STPG2: variants seen among roughly 807,000 people sequenced by gnomAD.
STPG2 encodes sperm tail PG-rich repeat containing 2.
STPG2 carries 56 observed loss-of-function variants against 54.2 expected under a neutral mutation model. That is an observed-to-expected ratio of 1.03 (90% CI 0.83 to 1.29). The LOEUF is 1.29. Among genes scored for constraint, STPG2 ranks in the 50% most tolerant of loss-of-function variants. The pLI is 0.00. For missense variants in STPG2, 596 were observed against 544.9 expected, an observed-to-expected ratio of 1.09 and a Z score of -0.93; for synonymous variants, 200 against 181.8, an observed-to-expected ratio of 1.10 and a Z score of -0.81.
At chr4:97,623,027 C>G (rs573324259) in intron 10 of STPG2, among the ~76,000 whole-genome samples, 2 of 152,190 alleles carry the variant, frequency 1.3e-5, no homozygotes, top group South Asian at 4.1e-4. Context: ...GAAAGGACTC[C>G]GTATTCAACA....
At chr4:97,706,624 A>G (rs1358239958) in intron 10 of STPG2, among the ~76,000 whole-genome samples, 1 of 152,190 alleles carries the variant, frequency 6.6e-6, no homozygotes, top group African/African-American at 2.4e-5. Context: ...AGAGAATGGT[A>G]GTCTGAAAAC....
intron 7 of STPG2, among the ~76,000 whole-genome samples, chr4:97,968,439 G>T (rs916006183): frequency 6.6e-6 from 1 of 152,078 alleles, no homozygotes; most frequent in African/African-American, 2.4e-5. Flanking sequence ...CATTTTATGA[G>T]GCCAGCATCA....
chr4:97,720,314 G>C (rs1236155939), intron 9 of STPG2, among the ~76,000 whole-genome samples: 1 of 151,880 alleles, frequency 6.6e-6, no homozygotes, highest in Non-Finnish European at 1.5e-5. Context: ...AATGAGTAAG[G>C]ATCAAAGTAC....
chr4:97,742,382 AAAT>A (rs769860110), intron 9 of STPG2, among the ~76,000 whole-genome samples: 48 of 150,962 alleles, frequency 3.2e-4, no homozygotes, highest in African/African-American at 8.7e-4. Flanking sequence ...AAATAAAATA[AAAT>A]AATAATAATA....
intron 10 of STPG2, among the ~76,000 whole-genome samples, chr4:97,628,976 G>A (rs1721153335): frequency 6.6e-6 from 1 of 151,938 alleles, no homozygotes; most frequent in African/African-American, 2.4e-5. Context: ...AAGACTTTGA[G>A]TATATTTTGT....
chr4:97,808,779 G>C (rs1313510855), intron 9 of STPG2, among the ~76,000 whole-genome samples: 1 of 148,896 alleles, frequency 6.7e-6, no homozygotes, highest in Admixed American at 6.7e-5. Flanking sequence ...TGTCAAAAAA[G>C]ACACTAAACC....
At chr4:97,797,096 A>G (rs879512451) in intron 9 of STPG2, among the ~76,000 whole-genome samples, 2 of 152,194 alleles carry the variant, frequency 1.3e-5, no homozygotes, top group Non-Finnish European at 2.9e-5. Flanking sequence ...AGCTGAGACA[A>G]TGGGGTTTTC....
chr4:97,988,030 ACAC>A (rs1734881651), intron 5 of STPG2, among the ~76,000 whole-genome samples: 1 of 125,026 alleles, frequency 8.0e-6, no homozygotes, highest in Non-Finnish European at 1.8e-5. Flanking sequence ...TGAATGTCAC[ACAC>A]ACACACACAC....
At chr4:97,751,617 C>T (rs1725582714) in intron 9 of STPG2, among the ~76,000 whole-genome samples, 1 of 151,474 alleles carries the variant, frequency 6.6e-6, no homozygotes, top group African/African-American at 2.4e-5. Context: ...AAGGAGAGAG[C>T]CAAAACTTTG....
In STPG2 at chr4:97,529,918, C is replaced by T. The variant is rs1731376853; in HGVS notation, c.462+182781G>A. Among the ~76,000 whole-genome samples the T allele has an allele frequency of 2.0e-5, 3 of 151,990 alleles. No individual in the cohort carries two copies. In the South Asian group the frequency reaches 6.2e-4, roughly 32 times the overall value. ...CAATCTGAAGTAGCTGCTATTATGT[C>T]ATTCTGTAATATTTATTTATACTAA... On this transcript the variant is annotated intron_variant, in intron 4 of 4. Transcript: ENST00000522676.
intron 5 of STPG2, among the ~76,000 whole-genome samples, chr4:98,089,185 T>A (rs783938): frequency 0.44 from 67,298 of 151,794 alleles, 15,375 homozygotes; most frequent in Admixed American, 0.56. Flanking sequence ...CAGTAGGTAG[T>A]CTTTATCCAT....
At chr4:97,808,353 A>C (rs2149095177) in intron 9 of STPG2, among the ~76,000 whole-genome samples, 1 of 152,172 alleles carries the variant, frequency 6.6e-6, no homozygotes, top group East Asian at 1.9e-4. Context: ...AAAATGTTAT[A>C]GTGTTCTGGC....
intron 3 of STPG2, among the ~76,000 whole-genome samples, chr4:98,127,263 G>A (rs147801637): frequency 2.6e-3 from 399 of 152,086 alleles, no homozygotes; most frequent in Middle Eastern, 0.02. Context: ...CTGTGTGATG[G>A]GTACATAGGT....
At chr4:97,739,194 T>C (rs1328351874) in intron 9 of STPG2, among the ~76,000 whole-genome samples, 1 of 151,998 alleles carries the variant, frequency 6.6e-6, no homozygotes, top group African/African-American at 2.4e-5. Context: ...TACCAGAATC[T>C]CTGGGACACA....
chr4:97,861,572 G>A lies in STPG2; in HGVS notation c.1045-20640C>T, dbSNP rs1033199463. 1.6e-4 allele frequency among the ~76,000 whole-genome samples: 25 copies of A among 152,086 alleles called. 1 individual carries two copies. The highest frequency in any genetic ancestry group is 4.4e-5 in the Non-Finnish European group (3 of 68,014). On this transcript the variant is annotated intron_variant, in intron 8 of 10. Transcript: ENST00000295268. ...CACTCCTATGTTTATGGCAGCACTAGTCACAATGGCCAAAATCTGGAAGCA... is the reference window on the plus strand; with the variant it reads ...CACTCCTATGTTTATGGCAGCACTAATCACAATGGCCAAAATCTGGAAGCA...
intron 9 of STPG2, among the ~76,000 whole-genome samples, chr4:97,805,501 G>A (rs1216637916): frequency 1.3e-5 from 2 of 152,094 alleles, no homozygotes; most frequent in Non-Finnish European, 2.9e-5. Flanking sequence ...GTGAGCCACC[G>A]CACCCAGCCT....
intron 8 of STPG2, among the ~76,000 whole-genome samples, chr4:97,886,644 T>C (rs1349775206): frequency 2.0e-5 from 3 of 152,204 alleles, no homozygotes; most frequent in African/African-American, 7.2e-5. Context: ...TTTCTACTCT[T>C]CACGTCAAAC....
chr4:98,119,194 T>C (rs1317601415), intron 3 of STPG2, among the ~76,000 whole-genome samples: 2 of 152,096 alleles, frequency 1.3e-5, no homozygotes, highest in Non-Finnish European at 2.9e-5. Context: ...AAACTAGAAG[T>C]CACCACCTCA....
intron 8 of STPG2, among the ~76,000 whole-genome samples, chr4:97,873,395 A>T (rs1730060087): frequency 6.6e-6 from 1 of 151,520 alleles, no homozygotes; most frequent in Non-Finnish European, 1.5e-5. Flanking sequence ...AATACAGTGC[A>T]ACATTTGTTT....
Sources: allele counts gnomAD v4.1 joint callset (sites outside exome capture counted in the v4.1 genomes callset), GRCh38; gene constraint gnomAD v4.1.1; transcripts MANE v1.5; gene names NCBI Gene and HGNC (gene_info 2026-07-23, HGNC 2026-07-21).